The following LTBP1 variants were observed in gnomAD, a reference collection of about 807,000 sequenced individuals.
LTBP1 encodes latent transforming growth factor beta binding protein 1, also known as latent-transforming growth factor beta-binding protein 1.
A neutral mutation model predicts 207.6 loss-of-function variants in LTBP1; 129 were observed. The observed-to-expected ratio is 0.62, with a 90% CI of 0.54 to 0.72. The LOEUF (loss-of-function observed/expected upper bound fraction) is 0.72. LTBP1 is among the 30% of genes least tolerant of loss of function. LTBP1 has a pLI of 0.00. For missense variants in LTBP1, 2,281 were observed against 2,217.2 expected (o/e 1.03, Z -0.58); for synonymous variants, 963 against 833.7 (o/e 1.16, Z -2.67).
At chr2:33,066,461 T>A (rs1048156405) in intron 3 of LTBP1, among the ~76,000 whole-genome samples, 7 of 152,238 alleles carry the variant, frequency 4.6e-5, no homozygotes, top group Admixed American at 1.3e-4. Context: ...GACTTTTTTT[T>A]ATTTTTTATC....
At chr2:33,274,008 T>A (rs2093373468) in intron 16 of LTBP1, among the ~76,000 whole-genome samples, 1 of 152,180 alleles carries the variant, frequency 6.6e-6, no homozygotes, top group Non-Finnish European at 1.5e-5. Context: ...TATATTTACA[T>A]AAAGGTGAAA....
At chr2:33,187,229 AT>A (rs2148818222) in intron 6 of LTBP1, 149 bp downstream of exon 6, 2 of 644,294 alleles carry the variant, frequency 3.1e-6, no homozygotes. Flanking sequence ...TAGAGACAGA[AT>A]GTGGGCCCAG....
chr2:33,283,204 T>C (rs2093596202), intron 19 of LTBP1, among the ~76,000 whole-genome samples: 1 of 151,916 alleles, frequency 6.6e-6, no homozygotes, highest in African/African-American at 2.4e-5. Context: ...ATGTGATGCA[T>C]GACGTGAAGA....
chr2:33,358,258 A>G (rs2094888057), intron 26 of LTBP1, among the ~76,000 whole-genome samples: 1 of 152,070 alleles, frequency 6.6e-6, no homozygotes, highest in African/African-American at 2.4e-5. Flanking sequence ...TAGTTACATT[A>G]TTGATTATTT....
chr2:33,127,859 G>C (rs773665924), intron 4 of LTBP1, among the ~76,000 whole-genome samples: 2 of 152,178 alleles, frequency 1.3e-5, no homozygotes, highest in Admixed American at 6.5e-5. Context: ...AACTGCATGA[G>C]TGAGGTGTCT....
chr2:33,395,464 C>A (rs1014763849), intron 32 of LTBP1, among the ~76,000 whole-genome samples: 1 of 152,094 alleles, frequency 6.6e-6, no homozygotes, highest in Non-Finnish European at 1.5e-5. Flanking sequence ...TTGTTCTTAC[C>A]CAAACAGATA....
At chr2:33,039,007 T>A (rs1325929321) in intron 3 of LTBP1, among the ~76,000 whole-genome samples, 1 of 152,192 alleles carries the variant, frequency 6.6e-6, no homozygotes, top group Non-Finnish European at 1.5e-5. Context: ...TGTCTTTTTG[T>A]CCCCAGCCTA....
intron 3 of LTBP1, among the ~76,000 whole-genome samples, chr2:33,079,003 C>T (rs1024242884): frequency 4.6e-5 from 7 of 151,752 alleles, no homozygotes; most frequent in Admixed American, 1.3e-4. Context: ...GGATTACAGG[C>T]GCACACCACC....
chr2:33,151,826 TGTGTGTGTG>T (rs1558713087), intron 5 of LTBP1, among the ~76,000 whole-genome samples: 18 of 964 alleles, frequency 0.019, no homozygotes, highest in Admixed American at 0.081. Flanking sequence ...TTCCATTTTG[TGTGTGTGTG>T]TGTGTGTGTG....
intron 2 of LTBP1, 80 bp downstream of exon 2, chr2:32,949,025 C>T (rs1676705115): frequency 7.2e-7 from 1 of 1,397,158 alleles, no homozygotes; most frequent in Non-Finnish European, 1.0e-6. Flanking sequence ...CTCACAAGGG[C>T]CACTTGAAAG....
At chr2:32,996,057 C>A (rs1685218861) in intron 2 of LTBP1, among the ~76,000 whole-genome samples, 1 of 152,148 alleles carries the variant, frequency 6.6e-6, no homozygotes, top group Non-Finnish European at 1.5e-5. Flanking sequence ...ATATAGTTAC[C>A]AAGAACATCT....
intron 4 of LTBP1, among the ~76,000 whole-genome samples, chr2:33,133,205 T>C (rs2081924123): frequency 6.6e-6 from 1 of 152,232 alleles, no homozygotes; most frequent in Admixed American, 6.5e-5. Flanking sequence ...GCTCAGCTTA[T>C]GACCACAGTT....
In LTBP1 at chr2:33,364,329, A is replaced by G; in HGVS notation, c.4513A>G (p.Arg1505Gly). 1 of 1,613,992 alleles carries G rather than the reference A, an allele frequency of 6.2e-7. No individual in the cohort carries two copies. The change falls in exon 30 of 34, where the codon AGA becomes GGA. Residue 1505 changes from arginine to glycine, a missense_variant. Around this residue, in one of 3 missense-constraint regions of LTBP1, gnomAD observed 1,671 missense variants for 1,634.8 expected, o/e 1.02. Transcript: ENST00000404816. Reference sequence around the variant, plus strand: ...CATGGTCCTGGATGCGTCAGAAAAAAGATGTATACGACCGGCTGAGTCAAA... The same window carrying G: ...CATGGTCCTGGATGCGTCAGAAAAAGGATGTATACGACCGGCTGAGTCAAA... ...HPMVLDASEK[R>G]CIRPAESNEQ...
At chr2:33,155,398 C>G (rs572165263) in intron 5 of LTBP1, among the ~76,000 whole-genome samples, 1 of 152,326 alleles carries the variant, frequency 6.6e-6, no homozygotes, top group East Asian at 1.9e-4. Context: ...ACTTTGAACT[C>G]TGCTTCTCTG....
chr2:33,252,738 A>T lies in LTBP1; in HGVS notation c.2061A>T (p.Arg687Ser). The change falls in exon 11 of 34, where the codon AGA becomes AGT. Residue 687 changes from arginine (R) to serine (S), a missense_variant. Transcript: ENST00000404816. ...GTTACCGACTTGTCAGTTCTGGAAG[A>T]CAGTGTATGCACCCTCTGTCTGTTC... ...GPCYRLVSSG[R>S]QCMHPLSVHL... 1.2e-6 allele frequency: 2 copies of T among 1,613,926 alleles called. No individual in the cohort carries two copies. The highest frequency in any genetic ancestry group is 1.7e-6 in the Non-Finnish European group (2 of 1,179,876).
chr2:33,173,819 G>A (rs2148495906), intron 5 of LTBP1, among the ~76,000 whole-genome samples: 1 of 145,098 alleles, frequency 6.9e-6, no homozygotes, highest in Admixed American at 7.0e-5. Flanking sequence ...GATCAAGGGG[G>A]CTTCATCCCT....
At chr2:33,085,946 T>C (rs1217529431) in intron 3 of LTBP1, among the ~76,000 whole-genome samples, 1 of 152,192 alleles carries the variant, frequency 6.6e-6, no homozygotes, top group Non-Finnish European at 1.5e-5. Flanking sequence ...CCATGGTGCA[T>C]TGGGAGTCTG....
chr2:33,373,225 G>T (rs1020082942), intron 31 of LTBP1, among the ~76,000 whole-genome samples: 1 of 152,048 alleles, frequency 6.6e-6, no homozygotes, highest in African/African-American at 2.4e-5. Flanking sequence ...TAAAACATGA[G>T]GTCCCAAAGG....
At chr2:33,033,531 G>A (rs1012315866) in intron 3 of LTBP1, among the ~76,000 whole-genome samples, 2 of 151,740 alleles carry the variant, frequency 1.3e-5, no homozygotes, top group African/African-American at 2.4e-5. Context: ...CAGAAACACT[G>A]ACAATAATAA....
Sources: allele counts gnomAD v4.1 joint callset (sites outside exome capture counted in the v4.1 genomes callset), GRCh38; gene constraint gnomAD v4.1.1; regional missense constraint gnomAD v4.1.1; transcripts MANE v1.5; gene names NCBI Gene and HGNC (gene_info 2026-07-23, HGNC 2026-07-21).